TRABD2B: variants seen among roughly 807,000 people sequenced by gnomAD.
TRABD2B encodes the protein TraB domain containing 2B.
TRABD2B carries 14 observed loss-of-function variants against 40.1 expected under a neutral mutation model. The ratio of observed to expected loss-of-function variants is 0.35; its 90% CI spans 0.23 to 0.55. The LOEUF (loss-of-function observed/expected upper bound fraction) is 0.55. TRABD2B is among the 20% of genes least tolerant of loss of function. TRABD2B has a pLI of 0.90. For synonymous variants in TRABD2B, 263 were observed against 277.0 expected (o/e 0.95, Z 0.50); for missense variants, 541 against 648.6 (o/e 0.83, Z 1.80).
chr1:47,824,694 G>A (rs1645152452), intron 2 of TRABD2B, among the ~76,000 whole-genome samples: 1 of 152,204 alleles, frequency 6.6e-6, no homozygotes, highest in Non-Finnish European at 1.5e-5. Context: ...AGCAGGTGCA[G>A]GATGAATTAT....
intron 2 of TRABD2B, among the ~76,000 whole-genome samples, chr1:47,870,484 C>G (rs1275290955): frequency 6.6e-6 from 1 of 152,180 alleles, no homozygotes; most frequent in Non-Finnish European, 1.5e-5. Context: ...ATGAATCCCT[C>G]TCCCAGGCAC....
rs1289478016 is a variant in TRABD2B at position 47,763,342 on chromosome 1, C to T, written c.*2560G>A. The stretch of plus-strand genomic sequence containing the variant: ...TTGCTCTCCTGTAGGTACATGTCTA[C>T]TCCATCGGTTAGTCTAGCCATCTTT... On this transcript the variant is annotated 3_prime_UTR_variant, in exon 7 of 7. Transcript: ENST00000606738. 6.6e-6 allele frequency: 1 copy of T among 152,220 alleles called. No individual in the cohort carries two copies. The highest frequency in any genetic ancestry group is 1.5e-5 in the Non-Finnish European group (1 of 68,056). 9.4% of individuals were successfully genotyped at this position (152,220 alleles called of 1,614,324 possible). A position where few individuals can be genotyped will look rare whatever the true frequency, so the allele number is the denominator to read the frequency against.
At chr1:47,812,169 C>T (rs1281456294) in intron 2 of TRABD2B, among the ~76,000 whole-genome samples, 1 of 152,218 alleles carries the variant, frequency 6.6e-6, no homozygotes, top group African/African-American at 2.4e-5. Context: ...AAACCGAACA[C>T]ACTCTGTCCA....
chr1:47,908,048 T>C (rs1486727220), intron 2 of TRABD2B, among the ~76,000 whole-genome samples: 1 of 152,178 alleles, frequency 6.6e-6, no homozygotes, highest in Non-Finnish European at 1.5e-5. Flanking sequence ...TGTGGAAACC[T>C]GGAAATGACC....
chr1:47,994,169 G>T lies in TRABD2B; in HGVS notation c.531C>A (p.Asp177Glu), dbSNP rs896044079. ...MLMVNSLTER[D>E]VRFRGVPVLD... ...GCACGGGCACACCACGGAAGCGCACGTCCCTCTCTGTGAGCGAGTTTACCA... is the reference window on the plus strand; with the variant it reads ...GCACGGGCACACCACGGAAGCGCACTTCCCTCTCTGTGAGCGAGTTTACCA... Residue 177 changes from aspartate (D) to glutamate (E), a missense_variant, in exon 2 of 7, where the codon GAC (aspartate) becomes GAA (glutamate). This residue lies in a region of TRABD2B where 369 missense variants were observed against 492.8 expected (regional missense o/e 0.75). Coordinates refer to ENST00000606738, the MANE Select transcript of TRABD2B (RefSeq NM_001194986.2). The surrounding 1 kb of genome is among the most constrained non-coding windows in gnomAD (Gnocchi z 6.7). The T allele has an allele frequency of 2.6e-6, 4 of 1,537,504 alleles. No individual in the cohort carries two copies. Among genetic ancestry groups the T allele is most frequent in the Admixed American group, 3.9e-5 (2 of 51,064 alleles).
At chr1:47,862,870 G>A (rs973789790) in intron 2 of TRABD2B, among the ~76,000 whole-genome samples, 5 of 152,146 alleles carry the variant, frequency 3.3e-5, no homozygotes, top group Admixed American at 6.6e-5. Flanking sequence ...TGTGGTGTTG[G>A]TGAAAGAAAA....
At chr1:47,881,542 A>T (rs1644304371) in intron 2 of TRABD2B, among the ~76,000 whole-genome samples, 1 of 152,350 alleles carries the variant, frequency 6.6e-6, no homozygotes, top group Middle Eastern at 3.4e-3. Flanking sequence ...ACTGAGGCAC[A>T]AAGCTTTACG....
At chr1:47,955,460 A>G (rs1280937683) in intron 2 of TRABD2B, among the ~76,000 whole-genome samples, 1 of 152,144 alleles carries the variant, frequency 6.6e-6, no homozygotes. Context: ...GTGGCTCTTC[A>G]CCACCAGCTC....
intron 2 of TRABD2B, among the ~76,000 whole-genome samples, chr1:47,957,685 G>T (rs1005882764): frequency 6.6e-6 from 1 of 152,154 alleles, no homozygotes; most frequent in Non-Finnish European, 1.5e-5. Context: ...AACAAAAAAA[G>T]CCTCCAAGAA....
At chr1:47,930,612 C>T (rs1645027665) in intron 2 of TRABD2B, among the ~76,000 whole-genome samples, 1 of 152,174 alleles carries the variant, frequency 6.6e-6, no homozygotes, top group Non-Finnish European at 1.5e-5. Context: ...CATACTTTGG[C>T]TTATAGTTGG....
chr1:47,871,624 AG>A (rs1644142066), intron 2 of TRABD2B, among the ~76,000 whole-genome samples: 1 of 152,180 alleles, frequency 6.6e-6, no homozygotes, highest in South Asian at 2.1e-4. Context: ...TGGTCGGGAC[AG>A]GTGGGAAGAT....
intron 2 of TRABD2B, among the ~76,000 whole-genome samples, chr1:47,955,278 T>C (rs1026732479): frequency 6.6e-6 from 1 of 152,190 alleles, no homozygotes; most frequent in African/African-American, 2.4e-5. Flanking sequence ...TCTCCCGCTG[T>C]TTCTAGTCAC....
chr1:47,920,423 G>C (rs1044115435), intron 2 of TRABD2B, among the ~76,000 whole-genome samples: 9 of 152,214 alleles, frequency 5.9e-5, no homozygotes, highest in Admixed American at 5.9e-4. Context: ...CTCTGAATCA[G>C]AGCACTTTCC....
At chr1:47,845,196 C>T (rs1050587627) in intron 2 of TRABD2B, among the ~76,000 whole-genome samples, 1 of 152,140 alleles carries the variant, frequency 6.6e-6, no homozygotes, top group African/African-American at 2.4e-5. Flanking sequence ...ACCCCTTTTT[C>T]TGCCACGTTA....
chr1:47,866,946 G>A (rs1166906472), intron 2 of TRABD2B, among the ~76,000 whole-genome samples: 1 of 152,152 alleles, frequency 6.6e-6, no homozygotes, highest in Non-Finnish European at 1.5e-5. Flanking sequence ...TCCATTCTCA[G>A]GCCCTGTCAC....
chr1:47,970,796 G>A (rs1478075961), intron 2 of TRABD2B, among the ~76,000 whole-genome samples: 1 of 152,138 alleles, frequency 6.6e-6, no homozygotes, highest in Admixed American at 6.5e-5. Flanking sequence ...GCAGCTACAT[G>A]GAAGATTCCC....
chr1:47,966,206 C>A (rs1220841358), intron 2 of TRABD2B, among the ~76,000 whole-genome samples: 1 of 152,122 alleles, frequency 6.6e-6, no homozygotes, highest in Non-Finnish European at 1.5e-5. Flanking sequence ...GCTGTGGGAA[C>A]CCTTAGGAAC....
At chr1:47,847,177 C>T (rs1262957379) in intron 2 of TRABD2B, among the ~76,000 whole-genome samples, 9 of 152,120 alleles carry the variant, frequency 5.9e-5, no homozygotes, top group Non-Finnish European at 1.2e-4. Context: ...GGGCCTGCCG[C>T]CAAGGTCTTA....
At chr1:47,803,086 C>T (rs946402285) in intron 2 of TRABD2B, among the ~76,000 whole-genome samples, 115 of 152,214 alleles carry the variant, frequency 7.6e-4, no homozygotes, top group African/African-American at 2.5e-3. Context: ...GCTCCCTCGT[C>T]TCCACTTGCA....
Sources: gnomAD v4.1 joint callset for allele counts (sites outside exome capture counted in the v4.1 genomes callset) on GRCh38, gnomAD v4.1.1 for gene constraint, gnomAD v4.1.1 regional missense constraint, Gnocchi (gnomAD v3.1) non-coding constraint, MANE v1.5 for transcripts, NCBI Gene and HGNC (gene_info 2026-07-23, HGNC 2026-07-21) for gene names.